The following CSMD1 variants were observed in gnomAD, a reference collection of about 807,000 sequenced individuals.
CSMD1 encodes CUB and Sushi multiple domains 1, also known as CUB and sushi domain-containing protein 1.
A neutral mutation model predicts 417.5 loss-of-function variants in CSMD1; 213 were observed. The ratio of observed to expected loss-of-function variants is 0.51; its 90% CI spans 0.46 to 0.57. The LOEUF is 0.57. CSMD1 is among the 20% of genes least tolerant of loss of function. CSMD1 has a pLI of 0.00. For missense variants in CSMD1, 6,923 were observed against 4,529.7 expected (o/e 1.53, Z -15.17); for synonymous variants, 2,862 against 1,736.8 (o/e 1.65, Z -16.11).
At chr8:4,539,204 A>G (rs1470095500) in intron 2 of CSMD1, among the ~76,000 whole-genome samples, 1 of 152,152 alleles carries the variant, frequency 6.6e-6, no homozygotes, top group East Asian at 1.9e-4. Context: ...ACTGTATTTG[A>G]GGTTTGCCAC....
Position 4,396,386 on chromosome 8 carries a change from G to C in CSMD1, c.415+23567C>G, listed in dbSNP as rs1197542665. Among the ~76,000 whole-genome samples the C allele has an allele frequency of 2.6e-5, 4 of 152,132 alleles. No homozygotes were observed. In the East Asian group the frequency reaches 5.8e-4, roughly 22 times the overall value. On this transcript the variant is annotated intron_variant, in intron 3 of 69. Transcript: ENST00000635120. ...GGAAGCTGAGGCAGGAGGATTGCTT[G>C]AGCCTGGGAGGCAGAGGTTTCAGTG... is the stretch of plus-strand genomic sequence containing the variant.
chr8:4,415,034 C>G (rs1411644436), intron 3 of CSMD1, among the ~76,000 whole-genome samples: 1 of 152,158 alleles, frequency 6.6e-6, no homozygotes, highest in Non-Finnish European at 1.5e-5. Context: ...AAAATGCTAT[C>G]CTTCGTTTCA....
In CSMD1 at chr8:3,243,005, C is replaced by T. The variant is rs546551574; in HGVS notation, c.4154-12774G>A. 5.9e-5 allele frequency among the ~76,000 whole-genome samples: 9 copies of T among 152,162 alleles called. No individual in the cohort carries two copies. The East Asian group carries it at 1.2e-3, about 20-fold the overall frequency. On this transcript the variant is annotated intron_variant, in intron 26 of 69. Transcript: ENST00000635120. ...GCCTTCCGTAGTCCGTGACCAGCGC[C>T]GGAGTTTTGAGTCCACGGATAAAAC...
chr8:4,700,088 C>T (rs574795526), intron 1 of CSMD1, among the ~76,000 whole-genome samples: 2 of 152,262 alleles, frequency 1.3e-5, no homozygotes, highest in African/African-American at 4.8e-5. Context: ...TGAAGGAGCT[C>T]ACCACAGAGT....
chr8:4,513,528 T>G (rs1200556613), intron 2 of CSMD1, among the ~76,000 whole-genome samples: 1 of 152,158 alleles, frequency 6.6e-6, no homozygotes, highest in Non-Finnish European at 1.5e-5. Flanking sequence ...AGAGAAGAAC[T>G]CTCGTTTCAT....
chr8:4,235,466 G>C (rs1220485700), intron 3 of CSMD1, among the ~76,000 whole-genome samples: 1 of 151,928 alleles, frequency 6.6e-6, no homozygotes, highest in East Asian at 1.9e-4. Flanking sequence ...TGCTGAGTGT[G>C]ATTTGGAAAC....
intron 32 of CSMD1, among the ~76,000 whole-genome samples, chr8:3,201,082 G>C (rs535686491): frequency 6.6e-6 from 1 of 152,318 alleles, no homozygotes; most frequent in African/African-American, 2.4e-5. Context: ...GTGATTTTAA[G>C]GGTAAGAATG....
rs183299357 is a variant in CSMD1, at chr8:3,227,195, T to C, written c.4345+2845A>G. 2.0e-3 allele frequency among the ~76,000 whole-genome samples: 305 copies of C among 152,120 alleles called. 3 individuals carry two copies. Among genetic ancestry groups the C allele is most frequent in the African/African-American group, 7.1e-3 (295 of 41,502 alleles). On this transcript the variant is annotated intron_variant, in intron 27 of 69. Transcript: ENST00000635120. ...GCAGGCAGATCATGAAGTCAGGAATTCGAGACCAGCCTGGCCAACATAGTG... is the reference window on the plus strand; with the variant it reads ...GCAGGCAGATCATGAAGTCAGGAATCCGAGACCAGCCTGGCCAACATAGTG...
At chr8:4,165,462 A>G (rs551056702) in intron 3 of CSMD1, among the ~76,000 whole-genome samples, 1 of 152,302 alleles carries the variant, frequency 6.6e-6, no homozygotes, top group African/African-American at 2.4e-5. Flanking sequence ...GCTGAGTGCA[A>G]TGGCAGTCAT....
chr8:4,769,079 G>T (rs1405241993), intron 1 of CSMD1, among the ~76,000 whole-genome samples: 4 of 152,220 alleles, frequency 2.6e-5, no homozygotes, highest in Admixed American at 1.3e-4. Flanking sequence ...ACAGTTAACA[G>T]CTTGGGGCTT....
intron 1 of CSMD1, among the ~76,000 whole-genome samples, chr8:4,848,835 C>T (rs796078298): frequency 5.9e-5 from 9 of 152,304 alleles, no homozygotes; most frequent in South Asian, 2.1e-4. Flanking sequence ...TGAGCCAACG[C>T]GCCCAACCCA....
chr8:3,656,499 A>G (rs1439886168), intron 7 of CSMD1, among the ~76,000 whole-genome samples: 3 of 152,210 alleles, frequency 2.0e-5, no homozygotes. Flanking sequence ...TCATTATGCA[A>G]TAGTGCAGTC....
chr8:3,167,773 G>A (rs553700196), intron 37 of CSMD1, among the ~76,000 whole-genome samples: 7 of 152,230 alleles, frequency 4.6e-5, no homozygotes, highest in South Asian at 2.1e-4. Flanking sequence ...ATCATAAAAC[G>A]TGAGCATTAA....
At chr8:4,021,759 T>C (rs926256532) in intron 4 of CSMD1, among the ~76,000 whole-genome samples, 1 of 152,134 alleles carries the variant, frequency 6.6e-6, no homozygotes, top group Non-Finnish European at 1.5e-5. Context: ...TCCCCAATAA[T>C]CTTTATCTTG....
chr8:3,708,563 C>T, intron 6 of CSMD1, 72 bp from the exon 7 acceptor site: 1 of 1,272,122 alleles, frequency 7.9e-7, no homozygotes, highest in Non-Finnish European at 1.1e-6. Context: ...ATCCACACAG[C>T]ACTTCCAGTC....
At chr8:4,868,817 G>A (rs910859792) in intron 1 of CSMD1, among the ~76,000 whole-genome samples, 1 of 151,718 alleles carries the variant, frequency 6.6e-6, no homozygotes, top group East Asian at 1.9e-4. Flanking sequence ...ATCATGTGCT[G>A]TATCAGCTCC....
At chr8:4,727,319 G>C (rs1440662716) in intron 1 of CSMD1, among the ~76,000 whole-genome samples, 1 of 152,118 alleles carries the variant, frequency 6.6e-6, no homozygotes, top group Non-Finnish European at 1.5e-5. Context: ...TTAAGTGTTT[G>C]AGAAACCCAT....
chr8:4,209,621 C>A (rs1353751651), intron 3 of CSMD1, among the ~76,000 whole-genome samples: 1 of 152,138 alleles, frequency 6.6e-6, no homozygotes, highest in Admixed American at 6.6e-5. Flanking sequence ...GAAAGACAAG[C>A]CCCCGAATTG....
chr8:3,576,052 A>G (rs560310715), intron 9 of CSMD1, among the ~76,000 whole-genome samples: 1 of 152,250 alleles, frequency 6.6e-6, no homozygotes, highest in African/African-American at 2.4e-5. Context: ...AGGAAGGATT[A>G]ATCCTCGTCA....
Sources: gnomAD v4.1 joint callset for allele counts (sites outside exome capture counted in the v4.1 genomes callset) on GRCh38, gnomAD v4.1.1 for gene constraint, MANE v1.5 for transcripts, NCBI Gene and HGNC (gene_info 2026-07-23, HGNC 2026-07-21) for gene names.